ADCY8: variants seen among roughly 807,000 people sequenced by gnomAD.
ADCY8 encodes adenylate cyclase type 8.
A neutral mutation model predicts 119.7 loss-of-function variants in ADCY8; 51 were observed. The ratio of observed to expected loss-of-function variants is 0.43; its 90% confidence interval spans 0.34 to 0.54. The LOEUF is 0.54. ADCY8 is among the 20% of genes least tolerant of loss of function. The pLI, the probability that ADCY8 is intolerant of heterozygous loss-of-function variation, is 0.03. For missense variants in ADCY8, 1,383 were observed against 1,598.8 expected, an observed-to-expected ratio of 0.87 and a Z score of 2.30; for synonymous variants, 665 against 651.0, an observed-to-expected ratio of 1.02 and a Z score of -0.33.
At chr8:130,937,284 G>C in intron 4 of ADCY8, 84 bp from the exon 5 acceptor site, 2 of 1,397,232 alleles carry the variant, frequency 1.4e-6, no homozygotes, top group Non-Finnish European at 1.9e-6. Flanking sequence ...AGGCGAGCAG[G>C]GTTAGGTGGT....
In ADCY8 at chr8:130,849,811, GA is replaced by G. The variant is rs776870117; in HGVS notation, c.2211-9del. 3.1e-6 allele frequency: 5 copies of G among 1,609,160 alleles called. No homozygotes were observed. Among genetic ancestry groups the G allele is most frequent in the East Asian group, 2.2e-5 (1 of 44,564 alleles). Reference sequence around the variant, plus strand: ...ATGGTCATTGGCATCACTCTGCAGGGAAACACAGAATGTTGGGTCATTGGCA... The same window carrying G: ...ATGGTCATTGGCATCACTCTGCAGGGAACACAGAATGTTGGGTCATTGGCA... On this transcript the variant is annotated splice_polypyrimidine_tract_variant and intron_variant, in intron 9 of 17. Transcript: ENST00000286355.
At chr8:130,846,480 G>T (rs907041538) in intron 11 of ADCY8, among the ~76,000 whole-genome samples, 2 of 151,890 alleles carry the variant, frequency 1.3e-5, no homozygotes, top group African/African-American at 4.8e-5. Context: ...TTCTGCCTTT[G>T]TAATTCCCTT....
chr8:130,968,728 T>C (rs1586616203), intron 2 of ADCY8, among the ~76,000 whole-genome samples: 2 of 152,198 alleles, frequency 1.3e-5, no homozygotes, highest in East Asian at 3.9e-4. Context: ...AATTCTAACA[T>C]TATGAAATAA....
At chr8:130,871,068 A>C (rs762771224) in intron 8 of ADCY8, among the ~76,000 whole-genome samples, 3 of 152,236 alleles carry the variant, frequency 2.0e-5, no homozygotes, top group Admixed American at 6.5e-5. Context: ...GCTGTGTTTC[A>C]GAATGTGGTG....
chr8:130,896,761 C>T (rs909100444), intron 7 of ADCY8, among the ~76,000 whole-genome samples: 15 of 151,848 alleles, frequency 9.9e-5, no homozygotes, highest in Admixed American at 2.0e-4. Flanking sequence ...TGTTTTAAGA[C>T]GGTTCACCAG....
intron 2 of ADCY8, among the ~76,000 whole-genome samples, chr8:130,980,070 C>A (rs986524676): frequency 2.0e-5 from 3 of 152,166 alleles, no homozygotes; most frequent in Admixed American, 1.3e-4. Context: ...TGTCACTCTC[C>A]TGGCTTCTTG....
chr8:130,898,297 C>T (rs777507690), intron 7 of ADCY8, among the ~76,000 whole-genome samples: 5 of 128,212 alleles, frequency 3.9e-5, no homozygotes, highest in Non-Finnish European at 8.9e-5. Flanking sequence ...CATGGGCACA[C>T]CACTCCCGAC....
intron 9 of ADCY8, among the ~76,000 whole-genome samples, chr8:130,852,996 C>A (rs928380788): frequency 1.8e-4 from 27 of 152,318 alleles, no homozygotes; most frequent in African/African-American, 6.3e-4. Flanking sequence ...GCAGCCTTCA[C>A]AGGGAAGAAG....
intron 7 of ADCY8, among the ~76,000 whole-genome samples, chr8:130,893,170 C>G (rs558544945): frequency 6.6e-6 from 1 of 152,188 alleles, no homozygotes; most frequent in Non-Finnish European, 1.5e-5. Flanking sequence ...ACCACTTTGA[C>G]GCCACATGAT....
intron 5 of ADCY8, among the ~76,000 whole-genome samples, chr8:130,917,841 C>T (rs1401225847): frequency 6.6e-6 from 1 of 151,174 alleles, no homozygotes; most frequent in Non-Finnish European, 1.5e-5. Context: ...ATTTCCTCTC[C>T]TTCCTTCAAG....
intron 5 of ADCY8, 68 bp downstream of exon 5, chr8:130,937,005 G>C: frequency 1.3e-6 from 2 of 1,514,314 alleles, no homozygotes; most frequent in East Asian, 4.7e-5. Context: ...TACCACAAAG[G>C]GTAGGTGAAG....
At chr8:130,983,866 A>G (rs1042288763) in intron 2 of ADCY8, among the ~76,000 whole-genome samples, 21 of 152,242 alleles carry the variant, frequency 1.4e-4, no homozygotes, top group African/African-American at 4.6e-4. Flanking sequence ...ACCAAATCAA[A>G]TCATTCAATC....
intron 5 of ADCY8, among the ~76,000 whole-genome samples, chr8:130,923,115 T>C (rs1311408576): frequency 1.3e-5 from 2 of 152,152 alleles, no homozygotes; most frequent in Non-Finnish European, 2.9e-5. Flanking sequence ...TGAACATCAC[T>C]CTAATTGAAG....
Position 131,039,296 on chromosome 8 carries a change from C to T in ADCY8, c.960+78G>A, listed in dbSNP as rs570747282. On this transcript the variant is annotated intron_variant, in intron 1 of 17. Coordinates refer to ENST00000286355, the MANE Select transcript of ADCY8 (RefSeq NM_001115.3). Reference sequence around the variant, plus strand: ...GGAGACTTAAAGAGAGTGAGGCAACCCTGGCTCTCTGGAAGCTATATGATC... The same window carrying T: ...GGAGACTTAAAGAGAGTGAGGCAACTCTGGCTCTCTGGAAGCTATATGATC... The T allele has an allele frequency of 1.1e-4, 172 of 1,561,138 alleles. No homozygotes were observed. In the African/African-American group the frequency reaches 1.9e-3, roughly 17 times the overall value.
intron 15 of ADCY8, among the ~76,000 whole-genome samples, chr8:130,789,587 C>T (rs146397430): frequency 3.9e-4 from 59 of 152,202 alleles, no homozygotes; most frequent in Non-Finnish European, 7.5e-4. Flanking sequence ...AAACTTCACC[C>T]GATATCCATA....
At chr8:130,995,859 A>C (rs991029573) in intron 1 of ADCY8, among the ~76,000 whole-genome samples, 1 of 152,140 alleles carries the variant, frequency 6.6e-6, no homozygotes, top group Admixed American at 6.6e-5. Context: ...TATCTGCCGC[A>C]CTGGATTGTG....
At chr8:130,843,761 C>A (rs1817216647) in intron 11 of ADCY8, among the ~76,000 whole-genome samples, 1 of 152,094 alleles carries the variant, frequency 6.6e-6, no homozygotes, top group Admixed American at 6.5e-5. Context: ...TTTAGTCAAT[C>A]TTTAATAGCT....
chr8:130,789,254 A>G (rs2164304), intron 15 of ADCY8, among the ~76,000 whole-genome samples: 95,551 of 152,006 alleles, frequency 0.63, 31,268 homozygotes, highest in African/African-American at 0.79. Context: ...CATTCCCTAA[A>G]CTCTAATGGG....
intron 1 of ADCY8, among the ~76,000 whole-genome samples, chr8:131,034,373 G>A (rs1455077790): frequency 6.6e-6 from 1 of 151,900 alleles, no homozygotes; most frequent in Non-Finnish European, 1.5e-5. Flanking sequence ...TCAGAAATGT[G>A]TATTTAAGTC....
Sources: allele counts gnomAD v4.1 joint callset (sites outside exome capture counted in the v4.1 genomes callset), GRCh38; gene constraint gnomAD v4.1.1; transcripts MANE v1.5; gene names NCBI Gene and HGNC (gene_info 2026-07-23, HGNC 2026-07-21).